Variants in GRM7 observed in about 807,000 individuals in gnomAD.
GRM7 encodes the protein glutamate metabotropic receptor 7.
GRM7 carries 35 observed loss-of-function variants against 84.5 expected under a neutral mutation model. The ratio of observed to expected loss-of-function variants is 0.41; its 90% CI spans 0.32 to 0.55. The LOEUF (loss-of-function observed/expected upper bound fraction) is 0.55, where lower values mean the gene tolerates loss of function less well. Among genes scored for constraint, GRM7 ranks in the 20% least tolerant of loss-of-function variants. The pLI is 0.19. For synonymous variants in GRM7, 487 were observed against 455.1 expected, an observed-to-expected ratio of 1.07 and a Z score of -0.89; for missense variants, 1,003 against 1,194.6, an observed-to-expected ratio of 0.84 and a Z score of 2.36.
chr3:6,974,193 A>G (rs953705192), intron 1 of GRM7, among the ~76,000 whole-genome samples: 1 of 152,244 alleles, frequency 6.6e-6, no homozygotes, highest in African/African-American at 2.4e-5. Context: ...AGAGAAAGCC[A>G]CTGGCATATA....
chr3:7,115,920 A>G (rs1053890058), intron 1 of GRM7, among the ~76,000 whole-genome samples: 6 of 152,192 alleles, frequency 3.9e-5, no homozygotes, highest in African/African-American at 1.4e-4. Context: ...GTACAAAACA[A>G]GGATCAGAAA....
intron 5 of GRM7, among the ~76,000 whole-genome samples, chr3:7,424,437 A>G (rs1298978723): frequency 1.3e-5 from 2 of 152,190 alleles, no homozygotes; most frequent in Non-Finnish European, 2.9e-5. Flanking sequence ...TAGGCACATA[A>G]CAAAAACTTG....
intron 1 of GRM7, among the ~76,000 whole-genome samples, chr3:6,866,336 T>C (rs1329487359): frequency 5.3e-5 from 8 of 152,048 alleles, no homozygotes; most frequent in Non-Finnish European, 8.8e-5. Flanking sequence ...ATTTGCCTTA[T>C]CTGCTTTTTT....
At chr3:7,682,778 T>C (rs1293299937) in intron 9 of GRM7, among the ~76,000 whole-genome samples, 4 of 152,188 alleles carry the variant, frequency 2.6e-5, no homozygotes, top group South Asian at 2.1e-4. Context: ...GGGTATGACA[T>C]TGGTTGTTAA....
intron 8 of GRM7, among the ~76,000 whole-genome samples, chr3:7,599,559 A>G (rs1223741146): frequency 6.6e-6 from 1 of 152,308 alleles, no homozygotes; most frequent in East Asian, 1.9e-4. Context: ...AGAGCTTGAC[A>G]TAGGGACATC....
chr3:7,484,696 A>G (rs375260485), intron 7 of GRM7, among the ~76,000 whole-genome samples: 32 of 152,328 alleles, frequency 2.1e-4, no homozygotes, highest in Middle Eastern at 6.8e-3. Flanking sequence ...GCCTGGTATT[A>G]GTATGTGTGT....
At chr3:7,371,983 G>C (rs897589106) in intron 4 of GRM7, among the ~76,000 whole-genome samples, 2 of 152,134 alleles carry the variant, frequency 1.3e-5, no homozygotes, top group East Asian at 1.9e-4. Context: ...AAGGGAGAGA[G>C]ATGGATTAAG....
chr3:7,257,523 G>C (rs4686123), intron 2 of GRM7, among the ~76,000 whole-genome samples: 131,794 of 152,134 alleles, frequency 0.87, 57,186 homozygotes, highest in East Asian at 0.98. Flanking sequence ...GCTTCTGTTC[G>C]CTTCTCTTTC....
chr3:6,930,624 C>T (rs1013567627), intron 1 of GRM7, among the ~76,000 whole-genome samples: 2 of 151,250 alleles, frequency 1.3e-5, no homozygotes, highest in African/African-American at 4.9e-5. Context: ...TCACCCAATG[C>T]AGGTGGGGAA....
intron 1 of GRM7, among the ~76,000 whole-genome samples, chr3:7,081,090 C>G (rs1232318683): frequency 1.3e-5 from 2 of 151,976 alleles, no homozygotes; most frequent in African/African-American, 4.8e-5. Flanking sequence ...TGTCTCCATA[C>G]CATTTATAAA....
At chr3:7,262,486 C>G (rs1437145374) in intron 2 of GRM7, among the ~76,000 whole-genome samples, 1 of 152,030 alleles carries the variant, frequency 6.6e-6, no homozygotes, top group East Asian at 1.9e-4. Flanking sequence ...GCTTTTTTGT[C>G]TGTCAGTTTC....
chr3:7,611,552 A>G (rs962039683), intron 8 of GRM7, among the ~76,000 whole-genome samples: 1 of 152,168 alleles, frequency 6.6e-6, no homozygotes, highest in African/African-American at 2.4e-5. Context: ...GACAGCTGTC[A>G]TAGACCTACT....
intron 1 of GRM7, among the ~76,000 whole-genome samples, chr3:7,045,981 A>G (rs533348494): frequency 1.3e-5 from 2 of 152,002 alleles, no homozygotes; most frequent in South Asian, 2.1e-4. Context: ...AACTGTACCA[A>G]TTTGCATTTT....
chr3:6,891,300 A>G (rs1037467979), intron 1 of GRM7, among the ~76,000 whole-genome samples: 12 of 152,144 alleles, frequency 7.9e-5, no homozygotes, highest in Non-Finnish European at 1.0e-4. Context: ...TATTTTGCTC[A>G]TTAGTTGATG....
chr3:7,126,756 T>C (rs1693415279), intron 1 of GRM7, among the ~76,000 whole-genome samples: 1 of 152,170 alleles, frequency 6.6e-6, no homozygotes, highest in Admixed American at 6.5e-5. Flanking sequence ...TTCCTTTTCT[T>C]TAGTCTCTTT....
At chr3:7,695,648 C>A (rs1002632456) in intron 9 of GRM7, among the ~76,000 whole-genome samples, 3 of 152,152 alleles carry the variant, frequency 2.0e-5, no homozygotes, top group African/African-American at 7.2e-5. Context: ...CTAAATCCAA[C>A]TTTGTCGTTC....
chr3:7,080,263 CTG>C (rs902277387), intron 1 of GRM7, among the ~76,000 whole-genome samples: 13 of 152,026 alleles, frequency 8.6e-5, no homozygotes, highest in African/African-American at 2.9e-4. Flanking sequence ...ACTTCTAAGA[CTG>C]TTACATACTT....
intron 8 of GRM7, among the ~76,000 whole-genome samples, chr3:7,674,236 G>A (rs1700042745): frequency 6.6e-6 from 1 of 151,402 alleles, no homozygotes; most frequent in African/African-American, 2.4e-5. Flanking sequence ...TTGTCACCCA[G>A]GCTGGAATAC....
At chr3:7,001,860 G>A (rs1695024901) in intron 1 of GRM7, among the ~76,000 whole-genome samples, 1 of 152,122 alleles carries the variant, frequency 6.6e-6, no homozygotes, top group Non-Finnish European at 1.5e-5. Context: ...CCACTTGCAG[G>A]TAGAAGTCCC....
Sources: gnomAD v4.1 joint callset for allele counts (sites outside exome capture counted in the v4.1 genomes callset) on GRCh38, gnomAD v4.1.1 for gene constraint, MANE v1.5 for transcripts, NCBI Gene and HGNC (gene_info 2026-07-23, HGNC 2026-07-21) for gene names.